SH3PXD2B: variants seen among roughly 807,000 people sequenced by gnomAD.
SH3PXD2B encodes the protein SH3 and PX domain-containing protein 2B.
Under a neutral mutation model 73.1 loss-of-function variants are expected in SH3PXD2B, and 37 were observed. That is an observed-to-expected ratio of 0.51 (90% CI 0.39 to 0.67). The LOEUF (loss-of-function observed/expected upper bound fraction) is 0.67. Ranked by LOEUF, SH3PXD2B falls within the 30% of genes least tolerant of loss-of-function variation. The pLI is 0.00. For synonymous variants in SH3PXD2B, 457 were observed against 480.5 expected (o/e 0.95, Z 0.64); for missense variants, 1,053 against 1,197.8 (o/e 0.88, Z 1.78).
chr5:172,454,189 T>C, intron 1 of SH3PXD2B, 89 bp downstream of exon 1: 1 of 1,116,846 alleles, frequency 9.0e-7, no homozygotes, highest in Non-Finnish European at 1.3e-6. Flanking sequence ...CGGGAAGCGC[T>C]GGAGGCAGAA....
chr5:172,403,632 G>A (rs370093693), intron 3 of SH3PXD2B, among the ~76,000 whole-genome samples: 4 of 152,294 alleles, frequency 2.6e-5, no homozygotes, highest in East Asian at 1.9e-4. Context: ...GGAGAGGGTC[G>A]GCTCAAGTTC....
chr5:172,416,081 A>G (rs1350170660), intron 2 of SH3PXD2B, among the ~76,000 whole-genome samples: 2 of 152,154 alleles, frequency 1.3e-5, no homozygotes, highest in Admixed American at 6.5e-5. Flanking sequence ...TAATCCCAGC[A>G]CTTTGGGAGG....
chr5:172,381,749 C>T lies in SH3PXD2B; in HGVS notation c.401+287G>A, dbSNP rs573577073. Among the ~76,000 whole-genome samples, 4 of 152,332 alleles carry T rather than the reference C, an allele frequency of 2.6e-5. No homozygotes were observed. In the South Asian group the frequency reaches 8.3e-4, roughly 32 times the overall value. On this transcript the variant is annotated intron_variant, in intron 5 of 12. Coordinates refer to ENST00000311601, the MANE Select transcript of SH3PXD2B (RefSeq NM_001017995.3). ...GATGAATCTACGGCTCAGCCCCTGCCTCACGGGCTCAGCCTGCTCAGTTCC... is the reference window on the plus strand; with the variant it reads ...GATGAATCTACGGCTCAGCCCCTGCTTCACGGGCTCAGCCTGCTCAGTTCC...
chr5:172,389,278 A>C (rs1758125302), intron 4 of SH3PXD2B, among the ~76,000 whole-genome samples: 1 of 149,428 alleles, frequency 6.7e-6, no homozygotes, highest in Non-Finnish European at 1.5e-5. Flanking sequence ...CTGGTCTCAA[A>C]CTCCTGACCT....
At chr5:172,379,247 T>A (rs1283267031) in intron 5 of SH3PXD2B, among the ~76,000 whole-genome samples, 1 of 145,226 alleles carries the variant, frequency 6.9e-6, no homozygotes, top group Admixed American at 7.1e-5. Context: ...GGTAAGAGGA[T>A]CGCTTGAGCC....
intron 2 of SH3PXD2B, among the ~76,000 whole-genome samples, chr5:172,417,951 C>T (rs546448343): frequency 1.1e-4 from 16 of 152,328 alleles, no homozygotes; most frequent in South Asian, 4.1e-4. Flanking sequence ...AGTATCTTCC[C>T]GTTTTCCCCT....
chr5:172,448,003 TGACAAGCACC>T (rs1759711347), intron 1 of SH3PXD2B, among the ~76,000 whole-genome samples: 1 of 152,212 alleles, frequency 6.6e-6, no homozygotes, highest in Non-Finnish European at 1.5e-5. Flanking sequence ...CTTGCCTGTG[TGACAAGCACC>T]TACTTTTTCC....
intron 1 of SH3PXD2B, among the ~76,000 whole-genome samples, chr5:172,430,728 C>A (rs1470004320): frequency 6.6e-6 from 1 of 152,244 alleles, no homozygotes; most frequent in Non-Finnish European, 1.5e-5. Context: ...GCCAGAATAA[C>A]CCTCTTCCTC....
intron 2 of SH3PXD2B, among the ~76,000 whole-genome samples, chr5:172,416,149 A>T (rs1758814402): frequency 6.6e-6 from 1 of 152,062 alleles, no homozygotes; most frequent in African/African-American, 2.4e-5. Flanking sequence ...GCAACAAAGC[A>T]AGACTCCGTC....
chr5:172,338,261 T>C lies in SH3PXD2B; in HGVS notation c.*108A>G, dbSNP rs1053110645. ...GGCAAGAAGTCACAGTACCCCAGAG[T>C]CTGTCTGCCTTGGAAGCTGCGTGGA... On this transcript the variant is annotated 3_prime_UTR_variant, in exon 13 of 13. Coordinates refer to ENST00000311601, the MANE Select transcript of SH3PXD2B (RefSeq NM_001017995.3). The surrounding 1 kb of genome is among the most constrained non-coding windows in gnomAD (Gnocchi z 5.1). The C allele has an allele frequency of 1.3e-6, 2 of 1,596,100 alleles. No homozygotes were observed. Among genetic ancestry groups the C allele is most frequent in the Non-Finnish European group, 1.7e-6 (2 of 1,173,028 alleles).
At chr5:172,368,961 C>A (rs1757640702) in intron 6 of SH3PXD2B, among the ~76,000 whole-genome samples, 1 of 147,764 alleles carries the variant, frequency 6.8e-6, no homozygotes, top group Admixed American at 6.9e-5. Flanking sequence ...ATGGTGCAAT[C>A]TCGGTTCACT....
At chr5:172,397,134 AG>A (rs1758319589) in intron 3 of SH3PXD2B, among the ~76,000 whole-genome samples, 1 of 152,082 alleles carries the variant, frequency 6.6e-6, no homozygotes, top group Non-Finnish European at 1.5e-5. Flanking sequence ...ATGCATTCCT[AG>A]GGGGAGGTCT....
intron 1 of SH3PXD2B, among the ~76,000 whole-genome samples, chr5:172,431,402 G>A (rs998487760): frequency 6.6e-6 from 1 of 152,226 alleles, no homozygotes; most frequent in Non-Finnish European, 1.5e-5. Flanking sequence ...GGAGAGCCTG[G>A]CTTGGCTTCG....
chr5:172,359,021 C>A, intron 7 of SH3PXD2B, 144 bp from the exon 8 acceptor site: 3 of 793,814 alleles, frequency 3.8e-6, no homozygotes, highest in Non-Finnish European at 6.4e-6. Context: ...ACACAACTAC[C>A]AATGTTACCT....
At chr5:172,441,743 T>C (rs1190725603) in intron 1 of SH3PXD2B, among the ~76,000 whole-genome samples, 1 of 152,014 alleles carries the variant, frequency 6.6e-6, no homozygotes, top group Non-Finnish European at 1.5e-5. Flanking sequence ...CCCGCTGAGC[T>C]TGGGGTCAGG....
chr5:172,429,631 A>C (rs1305803139), intron 1 of SH3PXD2B, among the ~76,000 whole-genome samples: 1 of 151,524 alleles, frequency 6.6e-6, no homozygotes, highest in Non-Finnish European at 1.5e-5. Context: ...GGGTGGGAGG[A>C]ATTGGGGTGG....
At chr5:172,420,075 G>A (rs1166504287) in intron 2 of SH3PXD2B, among the ~76,000 whole-genome samples, 1 of 152,132 alleles carries the variant, frequency 6.6e-6, no homozygotes, top group African/African-American at 2.4e-5. Flanking sequence ...GAAAGATGCT[G>A]GGCATCCCCA....
chr5:172,388,334 CAAT>C (rs1758100997), intron 4 of SH3PXD2B, among the ~76,000 whole-genome samples: 1 of 152,108 alleles, frequency 6.6e-6, no homozygotes, highest in African/African-American at 2.4e-5. Flanking sequence ...TGGTTCACAA[CAAT>C]GTCAGTAACA....
intron 6 of SH3PXD2B, among the ~76,000 whole-genome samples, chr5:172,368,755 ATT>A (rs568799225): frequency 0.048 from 5,223 of 109,366 alleles, 311 homozygotes; most frequent in South Asian, 0.16. Flanking sequence ...ATATATATAT[ATT>A]TAATATATAA....
Sources: allele counts gnomAD v4.1 joint callset (sites outside exome capture counted in the v4.1 genomes callset), GRCh38; gene constraint gnomAD v4.1.1; non-coding constraint Gnocchi (gnomAD v3.1); transcripts MANE v1.5; gene names NCBI Gene and HGNC (gene_info 2026-07-23, HGNC 2026-07-21).